Variants in RHEX observed in about 807,000 individuals in gnomAD.
The protein encoded by RHEX is regulator of hemoglobinization and erythroid cell expansion protein.
Under a neutral mutation model 20.1 loss-of-function variants are expected in RHEX, and 18 were observed. That is an observed-to-expected ratio of 0.90 (90% CI 0.62 to 1.33). RHEX has a LOEUF of 1.33. RHEX is among the 40% of genes most tolerant of loss of function. RHEX has a pLI of 0.00. For synonymous variants in RHEX, 87 were observed against 77.1 expected, an observed-to-expected ratio of 1.13 and a Z score of -0.67; for missense variants, 192 against 214.3, an observed-to-expected ratio of 0.90 and a Z score of 0.65.
At chr1:206,071,859 CAAA>C (rs1245558004) in intron 1 of RHEX, among the ~76,000 whole-genome samples, 7 of 47,290 alleles carry the variant, frequency 1.5e-4, no homozygotes, top group Non-Finnish European at 1.9e-4. Flanking sequence ...TCCAACAACT[CAAA>C]AAAAAAAAAA....
At chr1:206,072,303 C>T (rs1439315665) in intron 1 of RHEX, among the ~76,000 whole-genome samples, 3 of 152,162 alleles carry the variant, frequency 2.0e-5, no homozygotes, top group Admixed American at 6.5e-5. Context: ...GGGCCGGGCG[C>T]GGTTGTTCAC....
chr1:206,093,979 T>TA (rs1663012944), intron 1 of RHEX, among the ~76,000 whole-genome samples: 1 of 152,090 alleles, frequency 6.6e-6, no homozygotes, highest in Non-Finnish European at 1.5e-5. Flanking sequence ...GTGCCCAGCC[T>TA]AAAGTTTGGT....
intron 1 of RHEX, among the ~76,000 whole-genome samples, chr1:206,082,636 A>G (rs1662762166): frequency 6.6e-6 from 1 of 152,228 alleles, no homozygotes; most frequent in African/African-American, 2.4e-5. Context: ...TGAGATTTAA[A>G]AAATATCAGA....
intron 1 of RHEX, among the ~76,000 whole-genome samples, chr1:206,094,657 AT>A (rs1314049894): frequency 2.0e-5 from 3 of 152,192 alleles, no homozygotes; most frequent in Non-Finnish European, 4.4e-5. Context: ...TGAAATTAGT[AT>A]TTAAGAATGT....
chr1:206,088,502 G>A (rs1662881267), intron 1 of RHEX, among the ~76,000 whole-genome samples: 2 of 152,142 alleles, frequency 1.3e-5, no homozygotes, highest in Admixed American at 6.5e-5. Context: ...GGCCAACATG[G>A]TGAAATGCTG....
intron 1 of RHEX, among the ~76,000 whole-genome samples, chr1:206,054,079 C>T (rs898528862): frequency 4.9e-5 from 6 of 122,834 alleles, no homozygotes; most frequent in African/African-American, 2.0e-4. Context: ...AGTCCAAAGG[C>T]ATAAAGAAAG....
chr1:206,089,652 G>A (rs1308213513), intron 1 of RHEX, among the ~76,000 whole-genome samples: 1 of 151,632 alleles, frequency 6.6e-6, no homozygotes, highest in Non-Finnish European at 1.5e-5. Flanking sequence ...GCTGTTTGGG[G>A]GCCCTAGTGT....
At chr1:206,085,271 G>A (rs971086859) in intron 1 of RHEX, among the ~76,000 whole-genome samples, 8 of 152,112 alleles carry the variant, frequency 5.3e-5, no homozygotes, top group Non-Finnish European at 7.4e-5. Context: ...TATCCCTGCC[G>A]TGTTTTTACG....
chr1:206,064,712 C>A (rs1662388204), intron 1 of RHEX, among the ~76,000 whole-genome samples: 1 of 151,142 alleles, frequency 6.6e-6, no homozygotes. Flanking sequence ...GGTGCCTCTG[C>A]CCGGCCGCCC....
intron 1 of RHEX, among the ~76,000 whole-genome samples, chr1:206,089,464 G>A (rs1264720707): frequency 6.6e-6 from 1 of 152,010 alleles, no homozygotes; most frequent in South Asian, 2.1e-4. Flanking sequence ...AATTTTAAAC[G>A]GCCATATGGT....
At chr1:206,086,347 G>A (rs1553286407) in intron 1 of RHEX, among the ~76,000 whole-genome samples, 1 of 151,018 alleles carries the variant, frequency 6.6e-6, no homozygotes, top group East Asian at 1.9e-4. Flanking sequence ...GCATTTTCCT[G>A]TTTTTTTTTC....
At chr1:206,091,259 T>C (rs1662944820) in intron 1 of RHEX, among the ~76,000 whole-genome samples, 1 of 152,232 alleles carries the variant, frequency 6.6e-6, no homozygotes, top group Admixed American at 6.5e-5. Flanking sequence ...TCAGTAAATA[T>C]TCAATACCCT....
chr1:206,065,999 G>C (rs1437689330), intron 1 of RHEX, among the ~76,000 whole-genome samples: 1 of 152,256 alleles, frequency 6.6e-6, no homozygotes, highest in Non-Finnish European at 1.5e-5. Context: ...ATGACACACA[G>C]GGCCCGGGAA....
At chr1:206,091,662 G>A (rs914144235) in intron 1 of RHEX, among the ~76,000 whole-genome samples, 7 of 152,210 alleles carry the variant, frequency 4.6e-5, no homozygotes, top group Non-Finnish European at 1.0e-4. Flanking sequence ...GAGTCTTCCA[G>A]CTGGCAACGT....
intron 3 of RHEX, 156 bp downstream of exon 3, chr1:206,098,337 C>A: frequency 4.9e-6 from 3 of 615,726 alleles, no homozygotes; most frequent in Non-Finnish European, 8.9e-6. Context: ...CCCCTCCCCC[C>A]AATAACTGTA....
intron 1 of RHEX, among the ~76,000 whole-genome samples, chr1:206,075,953 A>G (rs1475040564): frequency 6.6e-6 from 1 of 152,136 alleles, no homozygotes; most frequent in Non-Finnish European, 1.5e-5. Context: ...TTATTGCCCC[A>G]GAAAGACACT....
At chr1:206,074,076 C>T (rs1463999753) in intron 1 of RHEX, among the ~76,000 whole-genome samples, 3 of 152,176 alleles carry the variant, frequency 2.0e-5, no homozygotes, top group Non-Finnish European at 4.4e-5. Context: ...ATGCACTGGG[C>T]ACTTTCTCTC....
At chr1:206,088,675 C>T (rs1247245842) in intron 1 of RHEX, among the ~76,000 whole-genome samples, 2 of 152,180 alleles carry the variant, frequency 1.3e-5, no homozygotes, top group Non-Finnish European at 2.9e-5. Context: ...GAGCGAGACT[C>T]CGTCTCAAAA....
intron 1 of RHEX, among the ~76,000 whole-genome samples, chr1:206,081,949 A>T (rs1553285950): frequency 6.6e-6 from 1 of 152,218 alleles, no homozygotes; most frequent in Non-Finnish European, 1.5e-5. Context: ...CTGAGTCAGG[A>T]GCAGAGCGAA....
Sources: allele counts gnomAD v4.1 joint callset (sites outside exome capture counted in the v4.1 genomes callset), GRCh38; gene constraint gnomAD v4.1.1; transcripts MANE v1.5; gene names NCBI Gene and HGNC (gene_info 2026-07-23, HGNC 2026-07-21).